MYOCD: variants seen among roughly 807,000 people sequenced by gnomAD.
MYOCD encodes myocardin.
Under a neutral mutation model 96.1 loss-of-function variants are expected in MYOCD, and 32 were observed. That is an observed-to-expected ratio of 0.33 (90% confidence interval 0.25 to 0.45). The LOEUF (loss-of-function observed/expected upper bound fraction) is 0.45. Among genes scored for constraint, MYOCD ranks in the 20% least tolerant of loss-of-function variants. MYOCD has a pLI of 1.00. For synonymous variants in MYOCD, 469 were observed against 469.0 expected, an observed-to-expected ratio of 1.00 and a Z score of 0.00; for missense variants, 1,133 against 1,200.6, an observed-to-expected ratio of 0.94 and a Z score of 0.83.
intron 13 of MYOCD, 70 bp downstream of exon 13, chr17:12,760,777 G>C: frequency 3.9e-6 from 5 of 1,283,638 alleles, no homozygotes; most frequent in Non-Finnish European, 5.6e-6. Flanking sequence ...TGAACTCTCG[G>C]TACCAAGATC....
At chr17:12,704,814 A>C in intron 1 of MYOCD, 1 of 231,412 alleles carries the variant, frequency 4.3e-6, no homozygotes, top group South Asian at 7.3e-5. Flanking sequence ...ACCAAGTGGA[A>C]TTAGATGATA....
At chr17:12,699,794 T>C (rs1264083246) in intron 1 of MYOCD, among the ~76,000 whole-genome samples, 1 of 151,956 alleles carries the variant, frequency 6.6e-6, no homozygotes. Flanking sequence ...ATAATGCATA[T>C]ACGCAGATAT....
intron 5 of MYOCD, among the ~76,000 whole-genome samples, chr17:12,735,198 A>G (rs749161062): frequency 7.9e-5 from 12 of 152,252 alleles, no homozygotes; most frequent in Non-Finnish European, 1.5e-4. Context: ...ATTGCAGAAT[A>G]TCAGACTGGA....
At chr17:12,691,099 A>G (rs2030424473) in intron 1 of MYOCD, among the ~76,000 whole-genome samples, 1 of 152,126 alleles carries the variant, frequency 6.6e-6, no homozygotes, top group South Asian at 2.1e-4. Flanking sequence ...AAAGTTTTCC[A>G]TTTTCACCGT....
At chr17:12,695,747 G>T (rs2030713731) in intron 1 of MYOCD, among the ~76,000 whole-genome samples, 1 of 152,084 alleles carries the variant, frequency 6.6e-6, no homozygotes, top group Non-Finnish European at 1.5e-5. Context: ...CATTTTAACT[G>T]TACAGTTCAG....
chr17:12,666,240 T>C lies in MYOCD; in HGVS notation c.52T>C (p.Ser18Pro). The part of the protein sequence containing the change: ...HSLLIRSKFR[S>P]VLQLRLQQRR... Reference sequence around the variant, plus strand: ...CTTGCTGATTAGGAGCAAGTTCAGATCAGGTAGGGCTAAGGCATTTAGCAT... The same window carrying C: ...CTTGCTGATTAGGAGCAAGTTCAGACCAGGTAGGGCTAAGGCATTTAGCAT... The change falls in exon 1 of 14, where the codon TCA (serine) becomes CCA (proline). Residue 18 changes from serine to proline, a missense_variant. Physicochemically the swap from Ser to Pro is moderately conservative, Grantham distance 74 (BLOSUM62 -1). Transcript: ENST00000425538. 6.2e-7 allele frequency: 1 copy of C among 1,610,956 alleles called. No homozygotes were observed. Among genetic ancestry groups the C allele is most frequent in the Non-Finnish European group, 8.5e-7 (1 of 1,177,108 alleles).
chr17:12,720,523 A>T (rs2031800106), intron 4 of MYOCD: 1 of 152,198 alleles, frequency 6.6e-6, no homozygotes, highest in Admixed American at 6.5e-5. Context: ...CAAGGCTTTC[A>T]AAGAGTAATT....
intron 1 of MYOCD, among the ~76,000 whole-genome samples, chr17:12,686,036 C>CTTAGA (rs1195001717): frequency 6.6e-6 from 1 of 152,222 alleles, no homozygotes; most frequent in Non-Finnish European, 1.5e-5. Flanking sequence ...CCCTTAACCT[C>CTTAGA]TTAGATCCCT....
rs1428849394 is a variant in MYOCD at position 12,745,972 on chromosome 17, G to C, written c.1025G>C (p.Ser342Thr). ...RNPNSSSTPL[S>T]NTPLSPVKNS... ...CCAAACTCTTCTTCAACGCCACTGAGCAATACCCCCTTGTCTCCTGTCAAA... is the reference window on the plus strand; with the variant it reads ...CCAAACTCTTCTTCAACGCCACTGACCAATACCCCCTTGTCTCCTGTCAAA... The change falls in exon 9 of 14, where the codon AGC (serine) becomes ACC (threonine). Residue 342 changes from serine (S) to threonine (T), a missense_variant. Ser to Thr is a moderately conservative substitution (Grantham distance 58). Coordinates refer to ENST00000425538, the MANE Select transcript of MYOCD (RefSeq NM_001146312.3). 1 of 1,614,178 alleles carries C rather than the reference G, an allele frequency of 6.2e-7. No homozygotes were observed. The highest frequency in any genetic ancestry group is 8.5e-7 in the Non-Finnish European group (1 of 1,180,022).
At chr17:12,756,595 T>G (rs2033019464) in intron 11 of MYOCD, 38 bp downstream of exon 11, 1 of 1,533,770 alleles carries the variant, frequency 6.5e-7, no homozygotes, top group Non-Finnish European at 8.8e-7. Context: ...TGGGATTCAC[T>G]TTGCCTCTTC....
intron 1 of MYOCD, among the ~76,000 whole-genome samples, chr17:12,689,113 T>C (rs1279269671): frequency 6.6e-6 from 1 of 152,216 alleles, no homozygotes; most frequent in African/African-American, 2.4e-5. Flanking sequence ...TTCTCTTCTT[T>C]TGTCTGCTCC....
chr17:12,752,790 T>C lies in MYOCD; in HGVS notation c.1502T>C (p.Leu501Pro), dbSNP rs1246050825. The change falls in exon 10 of 14, where the codon CTG becomes CCG. Residue 501 changes from leucine (L) to proline (P), a missense_variant. By Grantham distance (98) the Leu-to-Pro change is moderately conservative (BLOSUM62 -3). Coordinates refer to ENST00000425538, the MANE Select transcript of MYOCD (RefSeq NM_001146312.3). Reference protein sequence around the residue: ...VCTEESLMSSLNGGSVPSELD... With the variant: ...VCTEESLMSSPNGGSVPSELD... ...ACGGAGGAAAGTCTCATGAGCAGCC[T>C]GAATGGGGGCTCTGTTCCTTCTGAG... The C allele has an allele frequency of 1.2e-6, 2 of 1,613,992 alleles. No individual in the cohort carries two copies. Among genetic ancestry groups the C allele is most frequent in the Non-Finnish European group, 8.5e-7 (1 of 1,180,002 alleles).
intron 4 of MYOCD, among the ~76,000 whole-genome samples, chr17:12,721,647 T>C (rs1040469936): frequency 6.6e-6 from 1 of 152,022 alleles, no homozygotes; most frequent in Non-Finnish European, 1.5e-5. Flanking sequence ...AGGAGGTAGA[T>C]TAAATTTGTA....
At chr17:12,690,202 A>ACTTGGGAGGCTGAGGC (rs2030373067) in intron 1 of MYOCD, among the ~76,000 whole-genome samples, 1 of 151,792 alleles carries the variant, frequency 6.6e-6, no homozygotes, top group Non-Finnish European at 1.5e-5. Flanking sequence ...AAATCTGTCA[A>ACTTGGGAGGCTGAGGC]AGAATGTTAT....
In MYOCD at chr17:12,754,398, A is replaced by G. The variant is rs114498209; in HGVS notation, c.2058+1052A>G. Among the ~76,000 whole-genome samples, 1,402 of 152,280 alleles carry G rather than the reference A, an allele frequency of 9.2e-3. 27 individuals carry two copies. Among genetic ancestry groups the G allele is most frequent in the African/African-American group, 0.032 (1,331 of 41,564 alleles). ...ATTACAGGCGTGAGCCACCATGCCC[A>G]GCCGGAAATTTGCAACTTTAAATAG... On this transcript the variant is annotated intron_variant, in intron 10 of 13. Coordinates refer to ENST00000425538, the MANE Select transcript of MYOCD (RefSeq NM_001146312.3).
chr17:12,758,264 G>A lies in MYOCD; in HGVS notation c.2331+51G>A, dbSNP rs368453067. The stretch of plus-strand genomic sequence containing the variant: ...GAAGAATAGACTGACTCAATGAACA[G>A]ACATTGTTTGATATGATTAAACTTC... On this transcript the variant is annotated intron_variant, in intron 12 of 13. Transcript: ENST00000425538. 11 of 1,610,796 alleles carry A rather than the reference G, an allele frequency of 6.8e-6. No homozygotes were observed. The African/African-American group carries it at 1.1e-4, about 16-fold the overall frequency.
chr17:12,748,160 C>CAAAAAAAA (rs58002174), intron 9 of MYOCD, among the ~76,000 whole-genome samples: 181 of 90,382 alleles, frequency 2.0e-3, no homozygotes, highest in African/African-American at 2.6e-3. Context: ...GACTCCGTCT[C>CAAAAAAAA]AAAAAAAAAA....
Position 12,715,541 on chromosome 17 carries a change from C to A in MYOCD, c.144C>A (p.Phe48Leu). 1.9e-6 allele frequency: 3 copies of A among 1,613,586 alleles called. No individual in the cohort carries two copies. Among genetic ancestry groups the A allele is most frequent in the Non-Finnish European group, 2.5e-6 (3 of 1,179,730 alleles). Residue 48 changes from phenylalanine to leucine, a missense_variant, in exon 3 of 14, where the codon TTC becomes TTA. Phe to Leu is a conservative substitution (Grantham distance 22). Transcript: ENST00000425538. ...CAGCACTGAAACGTCCAGCTGAATT[C>A]CATGAGCAAAGAAAACATTTGGATA... ...IIPPLKRPAE[F>L]HEQRKHLDSD...
intron 1 of MYOCD, among the ~76,000 whole-genome samples, chr17:12,684,049 T>A (rs1403844668): frequency 6.6e-6 from 1 of 152,224 alleles, no homozygotes; most frequent in East Asian, 1.9e-4. Context: ...AAAAGTCTGA[T>A]CAAAGAGTGT....
Sources: allele counts gnomAD v4.1 joint callset (sites outside exome capture counted in the v4.1 genomes callset), GRCh38; gene constraint gnomAD v4.1.1; transcripts MANE v1.5; gene names NCBI Gene and HGNC (gene_info 2026-07-23, HGNC 2026-07-21).